The following YAF2 variants were observed in gnomAD, a reference collection of about 807,000 sequenced individuals.
YAF2 encodes YY1 associated factor 2, also known as YY1-associated factor 2.
A neutral mutation model predicts 20.1 loss-of-function variants in YAF2; 7 were observed. That is an observed-to-expected ratio of 0.35 (90% confidence interval 0.20 to 0.65). YAF2 has a LOEUF of 0.65. Among genes scored for constraint, YAF2 ranks in the 30% least tolerant of loss-of-function variants. The probability of loss-of-function intolerance (pLI) is 0.69; values close to 1 mark genes in which losing one functional copy is unlikely to be tolerated. For synonymous variants in YAF2, 74 were observed against 76.0 expected, an observed-to-expected ratio of 0.97 and a Z score of 0.14; for missense variants, 151 against 219.2, an observed-to-expected ratio of 0.69 and a Z score of 1.96.
chr12:42,210,451 G>A, intron 2 of YAF2: 1 of 1,535,028 alleles, frequency 6.5e-7, no homozygotes, highest in South Asian at 1.2e-5. Context: ...GGCATCCACT[G>A]GAACTGAGGG....
chr12:42,227,758 G>GC (rs1175110535), intron 2 of YAF2, among the ~76,000 whole-genome samples: 2 of 148,384 alleles, frequency 1.3e-5, no homozygotes, highest in Non-Finnish European at 3.0e-5. Flanking sequence ...GGGGGGGTCA[G>GC]CCCCCCGCCT....
At chr12:42,205,114 A>G (rs930772400) in intron 2 of YAF2, among the ~76,000 whole-genome samples, 7 of 151,174 alleles carry the variant, frequency 4.6e-5, no homozygotes, top group African/African-American at 1.5e-4. Context: ...CAATTTCTTT[A>G]ATGGTTTTTG....
intron 2 of YAF2, among the ~76,000 whole-genome samples, chr12:42,182,088 T>C (rs1565611437): frequency 6.6e-6 from 1 of 152,186 alleles, no homozygotes; most frequent in Non-Finnish European, 1.5e-5. Flanking sequence ...GGGCAAAATA[T>C]GCTCTTCTGT....
chr12:42,163,260 A>G (rs1165426345), intron 2 of YAF2, among the ~76,000 whole-genome samples: 4 of 152,210 alleles, frequency 2.6e-5, no homozygotes, highest in Middle Eastern at 3.2e-3. Flanking sequence ...CAGAGTGAAA[A>G]AAAACCAAGC....
intron 2 of YAF2, chr12:42,235,599 G>A (rs911907201): frequency 1.4e-6 from 2 of 1,457,282 alleles, no homozygotes; most frequent in Non-Finnish European, 1.8e-6. Flanking sequence ...GAGGGTCGTG[G>A]TGTAGAACAC....
At chr12:42,196,245 AAAAAAAG>A (rs2066749921) in intron 2 of YAF2, among the ~76,000 whole-genome samples, 1 of 151,340 alleles carries the variant, frequency 6.6e-6, no homozygotes, top group African/African-American at 2.4e-5. Flanking sequence ...AAAAAAAAAA[AAAAAAAG>A]AGCGGGAGGA....
chr12:42,225,633 G>A (rs1215875157), intron 2 of YAF2, among the ~76,000 whole-genome samples: 1 of 152,156 alleles, frequency 6.6e-6, no homozygotes, highest in Admixed American at 6.5e-5. Flanking sequence ...ATTAAATAGG[G>A]AATCCTTTCC....
intron 2 of YAF2, among the ~76,000 whole-genome samples, chr12:42,172,854 C>T (rs2066084650): frequency 6.6e-6 from 1 of 152,146 alleles, no homozygotes; most frequent in African/African-American, 2.4e-5. Flanking sequence ...CATGGATGAG[C>T]CTACGGCATT....
At chr12:42,230,836 G>C (rs912440917) in intron 2 of YAF2, among the ~76,000 whole-genome samples, 3 of 152,174 alleles carry the variant, frequency 2.0e-5, no homozygotes, top group African/African-American at 7.2e-5. Flanking sequence ...TGAAAAAGGA[G>C]TCTTAGAGAC....
At chr12:42,228,735 TG>T (rs2067871060) in intron 2 of YAF2, among the ~76,000 whole-genome samples, 2 of 69,998 alleles carry the variant, frequency 2.9e-5, no homozygotes, top group Non-Finnish European at 5.3e-5. Flanking sequence ...CCGCCCCTAC[TG>T]GGAAGTGAGG....
intron 2 of YAF2, among the ~76,000 whole-genome samples, chr12:42,187,443 C>T (rs979594446): frequency 1.3e-5 from 2 of 151,978 alleles, no homozygotes; most frequent in African/African-American, 4.8e-5. Context: ...TACAGCCCAC[C>T]TTGTTTTTAT....
intron 1 of YAF2, 161 bp from the exon 2 acceptor site, chr12:42,237,885 G>A (rs1477238504): frequency 6.3e-6 from 4 of 635,948 alleles, no homozygotes; most frequent in Non-Finnish European, 7.9e-6. Context: ...GGGGAAGGGA[G>A]TCAGGAAGAG....
intron 2 of YAF2, among the ~76,000 whole-genome samples, chr12:42,179,800 A>G (rs2066294641): frequency 6.6e-6 from 1 of 151,752 alleles, no homozygotes; most frequent in Non-Finnish European, 1.5e-5. Context: ...AAAAAAAAAA[A>G]AAAAAAAAAG....
At chr12:42,234,400 G>A in intron 2 of YAF2, 1 of 985,134 alleles carries the variant, frequency 1.0e-6, no homozygotes, top group Non-Finnish European at 1.2e-6. Flanking sequence ...AAAATGACCT[G>A]TTGGGTATAA....
intron 2 of YAF2, among the ~76,000 whole-genome samples, chr12:42,216,656 A>G (rs528974268): frequency 6.6e-6 from 1 of 152,192 alleles, no homozygotes; most frequent in African/African-American, 2.4e-5. Context: ...AACTCAAATC[A>G]TGTGTACAAA....
At chr12:42,192,508 C>CAAACA (rs544390651) in intron 2 of YAF2, among the ~76,000 whole-genome samples, 11 of 152,284 alleles carry the variant, frequency 7.2e-5, no homozygotes, top group South Asian at 2.1e-4. Context: ...GACCCTGTCT[C>CAAACA]AAACAAAACA....
intron 2 of YAF2, among the ~76,000 whole-genome samples, chr12:42,166,730 CCT>C (rs764338744): frequency 1.3e-5 from 2 of 151,960 alleles, no homozygotes; most frequent in African/African-American, 2.4e-5. Context: ...TACACCATCC[CCT>C]GATTCATCTA....
chr12:42,238,123 C>G, intron 1 of YAF2, 32 bp downstream of exon 1: 1 of 1,500,084 alleles, frequency 6.7e-7, no homozygotes. Context: ...GCCGCCCGCA[C>G]AGTCCGGGCC....
At chr12:42,235,804 C>G in intron 2 of YAF2, 1 of 1,536,022 alleles carries the variant, frequency 6.5e-7, no homozygotes, top group South Asian at 1.2e-5. Flanking sequence ...CCTCAAGCCT[C>G]TTTTAAACTA....
Sources: gnomAD v4.1 joint callset for allele counts (sites outside exome capture counted in the v4.1 genomes callset) on GRCh38, gnomAD v4.1.1 for gene constraint, MANE v1.5 for transcripts, NCBI Gene and HGNC (gene_info 2026-07-23, HGNC 2026-07-21) for gene names.